Variants in ZFPM2 observed in about 807,000 individuals in gnomAD.
ZFPM2 encodes zinc finger protein ZFPM2.
Under a neutral mutation model 98.6 loss-of-function variants are expected in ZFPM2, and 20 were observed. That is an observed-to-expected ratio of 0.20 (90% CI 0.14 to 0.29). The LOEUF (loss-of-function observed/expected upper bound fraction) is 0.29, where lower values mean the gene tolerates loss of function less well. ZFPM2 is among the 10% of genes least tolerant of loss of function. The pLI is 1.00. For synonymous variants in ZFPM2, 518 were observed against 502.7 expected, an observed-to-expected ratio of 1.03 and a Z score of -0.41; for missense variants, 1,310 against 1,388.6, an observed-to-expected ratio of 0.94 and a Z score of 0.90.
At chr8:105,447,518 A>T (rs1812399601) in intron 3 of ZFPM2, among the ~76,000 whole-genome samples, 2 of 152,144 alleles carry the variant, frequency 1.3e-5, no homozygotes, top group South Asian at 4.1e-4. Context: ...CTGAAGAAAT[A>T]AAGAGAAAAG....
In ZFPM2 at chr8:105,801,333, A is replaced by C; in HGVS notation, c.1251A>C (p.Arg417Ser). The C allele has an allele frequency of 6.2e-7, 1 of 1,613,956 alleles. No individual in the cohort carries two copies. The highest frequency in any genetic ancestry group is 1.7e-5 in the Admixed American group (1 of 60,000). The change falls in exon 8 of 8, where the codon AGA (arginine) becomes AGC (serine). Residue 417 changes from arginine to serine, a missense_variant. By Grantham distance (110) the Arg-to-Ser change is moderately radical. Coordinates refer to ENST00000407775, the MANE Select transcript of ZFPM2 (RefSeq NM_012082.4). ...AGCCAGCCACAGACTTATTGACCAG[A>C]AGCGAACTTCCCCAGAGCCAAAAGG... ...SLQPATDLLT[R>S]SELPQSQKAM...
intron 3 of ZFPM2, among the ~76,000 whole-genome samples, chr8:105,492,960 TGTA>T (rs992649752): frequency 2.0e-5 from 3 of 152,264 alleles, no homozygotes; most frequent in Admixed American, 1.3e-4. Flanking sequence ...CCTAAATTAA[TGTA>T]GTATTTTTTG....
At chr8:105,453,622 G>A (rs1261783326) in intron 3 of ZFPM2, among the ~76,000 whole-genome samples, 1 of 151,042 alleles carries the variant, frequency 6.6e-6, no homozygotes, top group Non-Finnish European at 1.5e-5. Flanking sequence ...TTTTTCTGGA[G>A]TTTTTTTTGT....
At chr8:105,546,468 C>A (rs1384563648) in intron 3 of ZFPM2, among the ~76,000 whole-genome samples, 1 of 150,716 alleles carries the variant, frequency 6.6e-6, no homozygotes, top group South Asian at 2.1e-4. Flanking sequence ...ACTCAGGAGG[C>A]TGAGGCAGGA....
At chr8:105,800,525 GATT>G (rs1813968466) in intron 7 of ZFPM2, among the ~76,000 whole-genome samples, 1 of 151,884 alleles carries the variant, frequency 6.6e-6, no homozygotes, top group Non-Finnish European at 1.5e-5. Flanking sequence ...TATAAATTAA[GATT>G]ATATTAATTA....
intron 3 of ZFPM2, among the ~76,000 whole-genome samples, chr8:105,549,679 A>C (rs1300828170): frequency 6.6e-6 from 1 of 150,672 alleles, no homozygotes; most frequent in Non-Finnish European, 1.5e-5. Flanking sequence ...TGGCACAATA[A>C]CCGTTCACTG....
At chr8:105,528,941 C>T (rs551049769) in intron 3 of ZFPM2, 14 of 152,206 alleles carry the variant, frequency 9.2e-5, no homozygotes, top group African/African-American at 3.4e-4. Flanking sequence ...CCTGTTTTTT[C>T]ATTCTACTGT....
chr8:105,376,626 C>T (rs2129843297), intron 1 of ZFPM2, among the ~76,000 whole-genome samples: 1 of 152,302 alleles, frequency 6.6e-6, no homozygotes, highest in East Asian at 1.9e-4. Flanking sequence ...CATCAACATA[C>T]ATCCAGTTTG....
intron 5 of ZFPM2, among the ~76,000 whole-genome samples, chr8:105,715,913 G>A (rs1811514044): frequency 6.6e-6 from 1 of 151,962 alleles, no homozygotes; most frequent in Non-Finnish European, 1.5e-5. Context: ...GATTCATACG[G>A]AGTGTCTAAT....
At chr8:105,351,882 A>G (rs1469444616) in intron 1 of ZFPM2, among the ~76,000 whole-genome samples, 1 of 152,010 alleles carries the variant, frequency 6.6e-6, no homozygotes, top group Non-Finnish European at 1.5e-5. Flanking sequence ...ATCAATGGAG[A>G]AATTATTTAA....
intron 1 of ZFPM2, among the ~76,000 whole-genome samples, chr8:105,332,974 T>C (rs1344316316): frequency 1.3e-5 from 2 of 151,754 alleles, no homozygotes; most frequent in Non-Finnish European, 3.0e-5. Flanking sequence ...GAATTTGAAC[T>C]CATCCTTTAG....
intron 3 of ZFPM2, among the ~76,000 whole-genome samples, chr8:105,462,591 A>G (rs1164754305): frequency 3.3e-5 from 5 of 152,168 alleles, no homozygotes; most frequent in Non-Finnish European, 5.9e-5. Context: ...TCAACTTTCT[A>G]TCTCTACAAT....
chr8:105,444,136 T>C (rs1298978348), intron 2 of ZFPM2, 144 bp from the exon 3 acceptor site: 2 of 630,198 alleles, frequency 3.2e-6, no homozygotes, highest in Non-Finnish European at 5.6e-6. Context: ...ATCAAAATAG[T>C]CATGAACATT....
At chr8:105,440,452 C>T (rs1783429622) in intron 2 of ZFPM2, among the ~76,000 whole-genome samples, 1 of 151,848 alleles carries the variant, frequency 6.6e-6, no homozygotes, top group Non-Finnish European at 1.5e-5. Context: ...TGGTGACTGG[C>T]CCCAAATCAT....
chr8:105,407,480 A>G (rs1439244836), intron 1 of ZFPM2, among the ~76,000 whole-genome samples: 1 of 151,922 alleles, frequency 6.6e-6, no homozygotes, highest in Non-Finnish European at 1.5e-5. Context: ...AGTTAAATGT[A>G]TTTGTCTGTC....
At chr8:105,510,071 G>T (rs1419143192) in intron 3 of ZFPM2, among the ~76,000 whole-genome samples, 1 of 152,038 alleles carries the variant, frequency 6.6e-6, no homozygotes, top group Non-Finnish European at 1.5e-5. Context: ...AAGCAGTAAT[G>T]GAGATTAACC....
At chr8:105,371,701 A>G (rs1220662668) in intron 1 of ZFPM2, among the ~76,000 whole-genome samples, 8 of 152,334 alleles carry the variant, frequency 5.3e-5, no homozygotes, top group South Asian at 2.1e-4. Context: ...TTATTTGCAT[A>G]TGCTATCAGA....
chr8:105,355,647 C>T (rs1269242112), intron 1 of ZFPM2, among the ~76,000 whole-genome samples: 1 of 151,702 alleles, frequency 6.6e-6, no homozygotes, highest in Admixed American at 6.6e-5. Context: ...ATTTAATTTC[C>T]CTCTGTTGGA....
At chr8:105,524,353 T>C (rs1379221359) in intron 3 of ZFPM2, among the ~76,000 whole-genome samples, 1 of 152,168 alleles carries the variant, frequency 6.6e-6, no homozygotes, top group Non-Finnish European at 1.5e-5. Context: ...GCAGAGTGAA[T>C]GAGTAAATAA....
Sources: allele counts gnomAD v4.1 joint callset (sites outside exome capture counted in the v4.1 genomes callset), GRCh38; gene constraint gnomAD v4.1.1; transcripts MANE v1.5; gene names NCBI Gene and HGNC (gene_info 2026-07-23, HGNC 2026-07-21).